Variants in GAREM1 observed in about 807,000 individuals in gnomAD.
GAREM1 encodes the protein GRB2 associated regulator of MAPK1 subtype 1.
GAREM1 carries 26 observed loss-of-function variants against 71.3 expected under a neutral mutation model. That is an observed-to-expected ratio of 0.36 (90% CI 0.27 to 0.51). GAREM1 has a LOEUF of 0.51. GAREM1 is among the 20% of genes least tolerant of loss of function. The pLI is 0.95. For synonymous variants in GAREM1, 440 were observed against 433.2 expected, an observed-to-expected ratio of 1.02 and a Z score of -0.20; for missense variants, 1,026 against 1,103.1, an observed-to-expected ratio of 0.93 and a Z score of 0.99.
chr18:32,408,282 T>G, intron 1 of GAREM1, among the ~76,000 whole-genome samples: 1 of 150,394 alleles, frequency 6.6e-6, no homozygotes, highest in East Asian at 1.9e-4. Flanking sequence ...ATAAAAAAAC[T>G]CCTTACTTGT....
chr18:32,457,226 A>AGAGAGAGTGTGTGTGTGT (rs1555648709), intron 1 of GAREM1, among the ~76,000 whole-genome samples: 1 of 81,926 alleles, frequency 1.2e-5, no homozygotes, highest in African/African-American at 4.2e-5. Flanking sequence ...AGAGAGAGAG[A>AGAGAGAGTGTGTGTGTGT]GTGTGTGTGT....
Position 32,396,703 on chromosome 18 carries a change from G to A in GAREM1, c.122-3668C>T, listed in dbSNP as rs148503378. 4.3e-3 allele frequency among the ~76,000 whole-genome samples: 658 copies of A among 152,302 alleles called. 2 individuals are homozygous for A. The highest frequency in any genetic ancestry group is 0.015 in the African/African-American group (641 of 41,570). On this transcript the variant is annotated intron_variant, in intron 1 of 5. Transcript: ENST00000269209. Reference sequence around the variant, plus strand: ...GATTGGTGTACCTGAAAGTGACAGGGAGAATGGAACCAAGGTGGAAAACAC... The same window carrying A: ...GATTGGTGTACCTGAAAGTGACAGGAAGAATGGAACCAAGGTGGAAAACAC...
chr18:32,345,743 G>A (rs78848979), intron 2 of GAREM1, among the ~76,000 whole-genome samples: 1 of 152,186 alleles, frequency 6.6e-6, no homozygotes, highest in Non-Finnish European at 1.5e-5. Context: ...AACTTGACCT[G>A]GATCTGAGAA....
intron 1 of GAREM1, among the ~76,000 whole-genome samples, chr18:32,420,040 C>T (rs1013302232): frequency 6.6e-6 from 1 of 152,160 alleles, no homozygotes; most frequent in African/African-American, 2.4e-5. Context: ...TCCACAGGCT[C>T]TGGAGATAAA....
At chr18:32,348,388 A>G (rs1184788430) in intron 2 of GAREM1, among the ~76,000 whole-genome samples, 1 of 152,206 alleles carries the variant, frequency 6.6e-6, no homozygotes, top group African/African-American at 2.4e-5. Flanking sequence ...AAAGTAGGCA[A>G]TATTCAACAT....
At chr18:32,456,517 C>A (rs1048987193) in intron 1 of GAREM1, among the ~76,000 whole-genome samples, 3 of 152,126 alleles carry the variant, frequency 2.0e-5, no homozygotes, top group African/African-American at 7.2e-5. Context: ...TTTTGGATAG[C>A]ATTCTGGCAG....
At chr18:32,383,103 C>A (rs576033306) in intron 2 of GAREM1, among the ~76,000 whole-genome samples, 1 of 152,188 alleles carries the variant, frequency 6.6e-6, no homozygotes, top group African/African-American at 2.4e-5. Context: ...CTCACACTCA[C>A]GCATTGGCTT....
chr18:32,269,458 G>A (rs1007608097), intron 5 of GAREM1, among the ~76,000 whole-genome samples: 5 of 152,168 alleles, frequency 3.3e-5, no homozygotes, highest in Admixed American at 6.5e-5. Flanking sequence ...TGAGCAGGCC[G>A]GTGAGGGGTC....
chr18:32,310,350 T>C, intron 2 of GAREM1, 27 bp from the exon 3 acceptor site: 3 of 1,613,018 alleles, frequency 1.9e-6, no homozygotes, highest in Non-Finnish European at 2.5e-6. Context: ...ACAGAAGAGA[T>C]CTAAGATGTT....
At chr18:32,417,950 T>C (rs1367485341) in intron 1 of GAREM1, among the ~76,000 whole-genome samples, 1 of 152,194 alleles carries the variant, frequency 6.6e-6, no homozygotes, top group African/African-American at 2.4e-5. Context: ...TATTATACAC[T>C]GCATGCCTGT....
chr18:32,412,610 A>G, intron 1 of GAREM1: 1 of 1,422,698 alleles, frequency 7.0e-7, no homozygotes, highest in Non-Finnish European at 9.8e-7. Flanking sequence ...GGCTGGATGA[A>G]GCACTAGCCA....
intron 4 of GAREM1, among the ~76,000 whole-genome samples, chr18:32,272,525 A>G (rs1419668995): frequency 6.6e-6 from 1 of 152,184 alleles, no homozygotes; most frequent in African/African-American, 2.4e-5. Flanking sequence ...GTGGTGGATG[A>G]CTGCAGAAAG....
At position 32,265,459 on chromosome 18, in the gene GAREM1, CAT is replaced by C. The variant is rs1222418286; in HGVS notation, c.*2410_*2411del. 8 of 152,300 alleles carry C rather than the reference CAT, an allele frequency of 5.3e-5. No individual in the cohort carries two copies. The highest frequency in any genetic ancestry group is 1.9e-4 in the African/African-American group (8 of 41,560). 9.4% of individuals were successfully genotyped at this position (152,300 alleles called of 1,614,324 possible). On this transcript the variant is annotated 3_prime_UTR_variant, in exon 6 of 6. Transcript: ENST00000269209. ...GGACTTCACGTCTTTCTTACTCACA[CAT>C]ACATACTCTTAGCAACTGAGATTTC...
intron 2 of GAREM1, among the ~76,000 whole-genome samples, chr18:32,364,022 A>ATT (rs1236005063): frequency 1.9e-5 from 1 of 52,104 alleles, no homozygotes; most frequent in African/African-American, 1.5e-4. Flanking sequence ...ATATATATAT[A>ATT]TATATGTTTT....
intron 2 of GAREM1, among the ~76,000 whole-genome samples, chr18:32,387,753 T>C (rs1436679834): frequency 6.6e-6 from 1 of 152,206 alleles, no homozygotes; most frequent in Non-Finnish European, 1.5e-5. Flanking sequence ...GTCACCACCA[T>C]TTCAGTGTGA....
chr18:32,278,292 C>T (rs1368932621), intron 4 of GAREM1, among the ~76,000 whole-genome samples: 1 of 152,112 alleles, frequency 6.6e-6, no homozygotes, highest in Non-Finnish European at 1.5e-5. Context: ...CTGAGTTAAC[C>T]TTCTAGAATC....
intron 1 of GAREM1, among the ~76,000 whole-genome samples, chr18:32,462,407 T>C (rs1446258090): frequency 6.6e-6 from 1 of 152,206 alleles, no homozygotes; most frequent in African/African-American, 2.4e-5. Context: ...AAGCCATTTG[T>C]ATGTCTTCTT....
intron 3 of GAREM1, among the ~76,000 whole-genome samples, chr18:32,289,978 G>A (rs1163424325): frequency 6.7e-6 from 1 of 150,138 alleles, no homozygotes; most frequent in Non-Finnish European, 1.5e-5. Flanking sequence ...GCTTATTTAA[G>A]GTAGGTTTTT....
At chr18:32,428,557 G>A (rs1208594364) in intron 1 of GAREM1, among the ~76,000 whole-genome samples, 1 of 152,062 alleles carries the variant, frequency 6.6e-6, no homozygotes, top group African/African-American at 2.4e-5. Flanking sequence ...ACTACCCTTT[G>A]CCTTCTGCCA....
Sources: gnomAD v4.1 joint callset for allele counts (sites outside exome capture counted in the v4.1 genomes callset) on GRCh38, gnomAD v4.1.1 for gene constraint, MANE v1.5 for transcripts, NCBI Gene and HGNC (gene_info 2026-07-23, HGNC 2026-07-21) for gene names.